RORA: variants seen among roughly 807,000 people sequenced by gnomAD.
The protein encoded by RORA is nuclear receptor ROR-alpha.
In RORA, 7 loss-of-function variants were observed where a neutral mutation model predicts 69.5. The observed-to-expected ratio is 0.10, with a 90% CI of 0.06 to 0.19. The LOEUF (loss-of-function observed/expected upper bound fraction) is 0.19, where lower values mean the gene tolerates loss of function less well. Ranked by LOEUF, RORA falls within the 10% of genes least tolerant of loss-of-function variation. RORA has a pLI of 1.00. For synonymous variants in RORA, 261 were observed against 240.8 expected, an observed-to-expected ratio of 1.08 and a Z score of -0.78; for missense variants, 457 against 663.0, an observed-to-expected ratio of 0.69 and a Z score of 3.41.
intron 1 of RORA, among the ~76,000 whole-genome samples, chr15:61,050,255 G>A (rs956452379): frequency 7.2e-5 from 11 of 152,204 alleles, no homozygotes; most frequent in African/African-American, 2.2e-4. Context: ...CATGAGACAC[G>A]CACCCGTGGC....
At chr15:60,746,474 A>C (rs2071650091) in intron 1 of RORA, among the ~76,000 whole-genome samples, 1 of 152,106 alleles carries the variant, frequency 6.6e-6, no homozygotes, top group African/African-American at 2.4e-5. Context: ...TAGTCTTTAG[A>C]ACTCGCAATA....
chr15:60,711,277 C>T (rs1338307641), intron 1 of RORA, among the ~76,000 whole-genome samples: 2 of 152,186 alleles, frequency 1.3e-5, no homozygotes, highest in African/African-American at 4.8e-5. Context: ...TTCTAAACTG[C>T]ATACTTCTGC....
At chr15:60,750,975 A>C (rs1595684567) in intron 1 of RORA, among the ~76,000 whole-genome samples, 1 of 152,014 alleles carries the variant, frequency 6.6e-6, no homozygotes, top group Non-Finnish European at 1.5e-5. Flanking sequence ...GGATTATTTC[A>C]CTCCACTGTG....
chr15:60,916,760 C>G (rs1891884716), intron 1 of RORA, among the ~76,000 whole-genome samples: 1 of 152,154 alleles, frequency 6.6e-6, no homozygotes, highest in African/African-American at 2.4e-5. Flanking sequence ...TGACATGCAG[C>G]TAAGTTTAAG....
chr15:60,658,892 C>T (rs1055890464), intron 2 of RORA, among the ~76,000 whole-genome samples: 1 of 152,178 alleles, frequency 6.6e-6, no homozygotes, highest in African/African-American at 2.4e-5. Flanking sequence ...TGGAAAGGCA[C>T]TGTAGAAGTG....
intron 1 of RORA, among the ~76,000 whole-genome samples, chr15:61,163,349 T>C (rs1165443890): frequency 6.6e-6 from 1 of 152,120 alleles, no homozygotes; most frequent in Non-Finnish European, 1.5e-5. Context: ...ATCAGCGTCA[T>C]GATGAGACGG....
intron 1 of RORA, among the ~76,000 whole-genome samples, chr15:61,135,230 C>T (rs1161726042): frequency 2.0e-5 from 3 of 150,960 alleles, no homozygotes; most frequent in Admixed American, 6.6e-5. Context: ...ACCTGGGAGG[C>T]TGAGGCATGA....
intron 1 of RORA, among the ~76,000 whole-genome samples, chr15:61,064,916 T>A (rs969260180): frequency 2.0e-5 from 3 of 152,174 alleles, no homozygotes; most frequent in Non-Finnish European, 4.4e-5. Context: ...TTACCTGCCC[T>A]GAGCTACTTA....
At chr15:61,103,771 A>T (rs940070401) in intron 1 of RORA, among the ~76,000 whole-genome samples, 1 of 152,184 alleles carries the variant, frequency 6.6e-6, no homozygotes, top group African/African-American at 2.4e-5. Context: ...CACCAGGATC[A>T]TTTGCATGTA....
In RORA at chr15:61,100,424, C is replaced by T. The variant is rs116062221; in HGVS notation, c.166+128629G>A. ...CATGACCAGCGGTGCCCGGCCTGAG[C>T]GGTCAATTTTTAAAGTGTTCTCCTA... On this transcript the variant is annotated intron_variant, in intron 1 of 10. Transcript: ENST00000335670. 5.7e-3 allele frequency among the ~76,000 whole-genome samples: 871 copies of T among 152,204 alleles called. 12 individuals carry two copies. Among genetic ancestry groups the T allele is most frequent in the African/African-American group, 0.02 (816 of 41,528 alleles).
At position 60,537,109 on chromosome 15, in the gene RORA, G is replaced by C. The variant is rs528594174; in HGVS notation, c.197-5258C>G. Among the ~76,000 whole-genome samples, 1 of 152,204 alleles carries C rather than the reference G, an allele frequency of 6.6e-6. No individual in the cohort carries two copies. The highest frequency in any genetic ancestry group is 6.5e-5 in the Admixed American group (1 of 15,292). ...GTTTAAAACTGCCAGGGTATTAAAG[G>C]CTTCTGCAGCTGCCTGAATGGCGGC... On this transcript the variant is annotated intron_variant, in intron 2 of 10. Coordinates refer to ENST00000335670, the MANE Select transcript of RORA (RefSeq NM_134261.3). This position sits in a 1 kb window ranked among gnomAD's most constrained non-coding sequence, Gnocchi z 4.9.
At chr15:60,728,589 G>C (rs1170855577) in intron 1 of RORA, among the ~76,000 whole-genome samples, 1 of 152,032 alleles carries the variant, frequency 6.6e-6, no homozygotes, top group African/African-American at 2.4e-5. Context: ...GTTGAATGAG[G>C]GGATTAAAAA....
chr15:61,129,555 A>G (rs1175428248), intron 1 of RORA, among the ~76,000 whole-genome samples: 1 of 152,162 alleles, frequency 6.6e-6, no homozygotes, highest in Non-Finnish European at 1.5e-5. Context: ...GAATGTACTT[A>G]AAGCCAATGC....
chr15:60,588,654 G>T (rs73422098), intron 2 of RORA, among the ~76,000 whole-genome samples: 1,967 of 152,276 alleles, frequency 0.013, 39 homozygotes, highest in African/African-American at 0.045. Flanking sequence ...GGAGAAAAAG[G>T]AGACTAATGA....
chr15:60,498,598 T>G (rs983673388), intron 10 of RORA, among the ~76,000 whole-genome samples: 2 of 152,164 alleles, frequency 1.3e-5, no homozygotes, highest in Non-Finnish European at 2.9e-5. Flanking sequence ...GGCAAACTGC[T>G]TATTATTTTA....
intron 2 of RORA, among the ~76,000 whole-genome samples, chr15:60,646,587 C>T (rs1316645423): frequency 6.6e-6 from 1 of 152,202 alleles, no homozygotes; most frequent in Admixed American, 6.5e-5. Context: ...CTTCCAAGCC[C>T]CCGAATGGTG....
At chr15:60,541,094 A>G (rs144595615) in intron 2 of RORA, among the ~76,000 whole-genome samples, 1 of 152,214 alleles carries the variant, frequency 6.6e-6, no homozygotes, top group Non-Finnish European at 1.5e-5. Context: ...TTTATTAAAA[A>G]TCACAGGCAA....
At chr15:60,709,605 C>A (rs1460997672) in intron 1 of RORA, among the ~76,000 whole-genome samples, 1 of 151,614 alleles carries the variant, frequency 6.6e-6, no homozygotes, top group Non-Finnish European at 1.5e-5. Context: ...GTGAAGTGCA[C>A]ACGTGAGGGA....
intron 2 of RORA, among the ~76,000 whole-genome samples, chr15:60,562,094 C>T (rs1454019665): frequency 6.6e-6 from 1 of 151,974 alleles, no homozygotes. Flanking sequence ...CAGGCGCCTG[C>T]CACCACCACA....
Sources: allele counts gnomAD v4.1 joint callset (sites outside exome capture counted in the v4.1 genomes callset), GRCh38; gene constraint gnomAD v4.1.1; non-coding constraint Gnocchi (gnomAD v3.1); transcripts MANE v1.5; gene names NCBI Gene and HGNC (gene_info 2026-07-23, HGNC 2026-07-21).